The following MACROD2 variants were observed in gnomAD, a reference collection of about 807,000 sequenced individuals.
MACROD2 encodes ADP-ribose glycohydrolase MACROD2.
In MACROD2, 36 loss-of-function variants were observed where a neutral mutation model predicts 70.4. The observed-to-expected ratio is 0.51, with a 90% CI of 0.39 to 0.68. The LOEUF (loss-of-function observed/expected upper bound fraction) is 0.68, where lower values mean the gene tolerates loss of function less well. Among genes scored for constraint, MACROD2 ranks in the 30% least tolerant of loss-of-function variants. MACROD2 has a pLI of 0.00. For synonymous variants in MACROD2, 172 were observed against 178.8 expected (o/e 0.96, Z 0.30); for missense variants, 496 against 538.4 (o/e 0.92, Z 0.78).
At chr20:14,864,687 G>A (rs1208408456) in intron 5 of MACROD2, among the ~76,000 whole-genome samples, 1 of 152,058 alleles carries the variant, frequency 6.6e-6, no homozygotes, top group East Asian at 1.9e-4. Flanking sequence ...GAATATGCCA[G>A]CTGGAGGAAT....
chr20:15,283,141 G>A (rs2077460698), intron 6 of MACROD2, among the ~76,000 whole-genome samples: 2 of 152,128 alleles, frequency 1.3e-5, no homozygotes, highest in Admixed American at 1.3e-4. Context: ...CCTCCCCTTG[G>A]TACTGCTTTT....
intron 3 of MACROD2, among the ~76,000 whole-genome samples, chr20:14,135,819 A>T (rs1381138371): frequency 6.6e-6 from 1 of 152,214 alleles, no homozygotes; most frequent in Non-Finnish European, 1.5e-5. Flanking sequence ...AATTTGTGTC[A>T]TTCTCTTTAT....
chr20:14,879,838 A>C (rs1568850934), intron 5 of MACROD2, among the ~76,000 whole-genome samples: 2 of 152,306 alleles, frequency 1.3e-5, no homozygotes, highest in South Asian at 4.1e-4. Flanking sequence ...AACTACGAAA[A>C]TAATTTTAAA....
At chr20:15,079,822 C>G (rs1027804616) in intron 5 of MACROD2, among the ~76,000 whole-genome samples, 1 of 152,118 alleles carries the variant, frequency 6.6e-6, no homozygotes, top group Non-Finnish European at 1.5e-5. Context: ...AAAGTCTCTT[C>G]ACATTCCCTC....
chr20:14,334,621 C>T (rs1426371514), intron 3 of MACROD2, among the ~76,000 whole-genome samples: 5 of 125,480 alleles, frequency 4.0e-5, no homozygotes, highest in Non-Finnish European at 6.3e-5. Flanking sequence ...CAAAGCCTCC[C>T]GTTGAGAAGA....
intron 8 of MACROD2, among the ~76,000 whole-genome samples, chr20:15,646,692 T>G (rs747240517): frequency 1.3e-4 from 20 of 152,224 alleles, no homozygotes; most frequent in Non-Finnish European, 1.3e-4. Context: ...GAGTGTGTTC[T>G]CATGAGATCT....
chr20:15,020,444 G>A (rs984387400), intron 5 of MACROD2, among the ~76,000 whole-genome samples: 5 of 152,144 alleles, frequency 3.3e-5, no homozygotes, highest in African/African-American at 1.2e-4. Flanking sequence ...TGAAGCCTGT[G>A]TCTTAAAACC....
At chr20:15,340,311 T>A (rs2078097478) in intron 6 of MACROD2, among the ~76,000 whole-genome samples, 1 of 151,624 alleles carries the variant, frequency 6.6e-6, no homozygotes, top group Non-Finnish European at 1.5e-5. Flanking sequence ...CTAATTTTTG[T>A]ATTTTTAGTA....
At chr20:15,479,462 C>A (rs922991499) in intron 7 of MACROD2, among the ~76,000 whole-genome samples, 1 of 151,386 alleles carries the variant, frequency 6.6e-6, no homozygotes, top group African/African-American at 2.4e-5. Context: ...TTAGTAGAGA[C>A]GGGGTTTCAC....
At chr20:14,954,505 T>TTATTATATAATTAA (rs1312560122) in intron 5 of MACROD2, among the ~76,000 whole-genome samples, 3 of 140,796 alleles carry the variant, frequency 2.1e-5, no homozygotes, top group Non-Finnish European at 4.6e-5. Flanking sequence ...TATATAATTA[T>TTATTATATAATTAA]TATTATATAA....
At chr20:14,990,898 C>T (rs2074897595) in intron 5 of MACROD2, among the ~76,000 whole-genome samples, 1 of 152,056 alleles carries the variant, frequency 6.6e-6, no homozygotes, top group Non-Finnish European at 1.5e-5. Flanking sequence ...GGGAAGGCCC[C>T]CTGAAAGTTA....
intron 5 of MACROD2, among the ~76,000 whole-genome samples, chr20:15,139,509 A>T (rs1383373900): frequency 6.6e-6 from 1 of 152,180 alleles, no homozygotes; most frequent in Non-Finnish European, 1.5e-5. Context: ...ATTGCCGTCA[A>T]CATATGTCAC....
intron 6 of MACROD2, among the ~76,000 whole-genome samples, chr20:15,283,977 A>C (rs908088429): frequency 1.3e-5 from 2 of 152,182 alleles, no homozygotes; most frequent in Admixed American, 6.5e-5. Flanking sequence ...AGCAATTCTC[A>C]GTATATCATT....
chr20:14,234,154 T>C (rs1401264049), intron 3 of MACROD2, among the ~76,000 whole-genome samples: 1 of 151,958 alleles, frequency 6.6e-6, no homozygotes, highest in Admixed American at 6.6e-5. Context: ...GGAGAGAGGG[T>C]ATATGGGGAC....
intron 3 of MACROD2, among the ~76,000 whole-genome samples, chr20:14,130,645 C>A (rs2148698782): frequency 6.6e-6 from 1 of 152,230 alleles, no homozygotes; most frequent in South Asian, 2.1e-4. Context: ...AGAGAAATAG[C>A]ACTATATTAG....
At position 14,118,369 on chromosome 20, in the gene MACROD2, G is replaced by C. The variant is rs141003035; in HGVS notation, c.271+32641G>C. 1.4e-3 allele frequency among the ~76,000 whole-genome samples: 210 copies of C among 152,292 alleles called. 3 individuals are homozygous for C. The East Asian group carries it at 0.038, about 28-fold the overall frequency. On this transcript the variant is annotated intron_variant, in intron 3 of 17. Coordinates refer to ENST00000684519, the MANE Select transcript of MACROD2 (RefSeq NM_001351661.2). ...GAGTGTCAAATAATTAATTTGATTA[G>C]ACTCTGCCACTGGCATTCTTTTGCA...
chr20:15,195,413 T>C (rs1357777768), intron 5 of MACROD2, among the ~76,000 whole-genome samples: 1 of 151,910 alleles, frequency 6.6e-6, no homozygotes, highest in Admixed American at 6.6e-5. Context: ...CATTAAAAAG[T>C]GGGCAAAGGA....
intron 4 of MACROD2, among the ~76,000 whole-genome samples, chr20:14,595,742 C>T (rs117101297): frequency 0.024 from 3,603 of 152,216 alleles, 63 homozygotes; most frequent in Middle Eastern, 0.045. Flanking sequence ...GTCGAATTGC[C>T]TCCCATGTTT....
intron 5 of MACROD2, among the ~76,000 whole-genome samples, chr20:14,854,026 AG>A (rs551420307): frequency 7.9e-4 from 121 of 152,250 alleles, no homozygotes; most frequent in African/African-American, 2.8e-3. Context: ...TGGGGCAATT[AG>A]GTCAGCATTA....
Sources: allele counts gnomAD v4.1 joint callset (sites outside exome capture counted in the v4.1 genomes callset), GRCh38; gene constraint gnomAD v4.1.1; transcripts MANE v1.5; gene names NCBI Gene and HGNC (gene_info 2026-07-23, HGNC 2026-07-21).